PLEKHA7: variants seen among roughly 807,000 people sequenced by gnomAD.
The protein encoded by PLEKHA7 is pleckstrin homology domain-containing family A member 7.
PLEKHA7 carries 104 observed loss-of-function variants against 170.0 expected under a neutral mutation model. The ratio of observed to expected loss-of-function variants is 0.61; its 90% CI spans 0.52 to 0.72. The LOEUF is 0.72. Among genes scored for constraint, PLEKHA7 ranks in the 30% least tolerant of loss-of-function variants. PLEKHA7 has a pLI of 0.00. For synonymous variants in PLEKHA7, 648 were observed against 660.8 expected (o/e 0.98, Z 0.30); for missense variants, 1,615 against 1,671.7 (o/e 0.97, Z 0.59).
At chr11:16,884,203 C>A (rs1301607145) in intron 3 of PLEKHA7, among the ~76,000 whole-genome samples, 3 of 152,164 alleles carry the variant, frequency 2.0e-5, no homozygotes, top group African/African-American at 7.2e-5. Context: ...ATCCCATATG[C>A]CAACCTATCC....
intron 3 of PLEKHA7, among the ~76,000 whole-genome samples, chr11:16,993,119 A>G (rs748348444): frequency 1.3e-4 from 20 of 152,100 alleles, no homozygotes; most frequent in African/African-American, 4.6e-4. Flanking sequence ...CCACATTCCT[A>G]TCAGGCTCAG....
chr11:16,977,022 G>A (rs1478136501), intron 3 of PLEKHA7, among the ~76,000 whole-genome samples: 4 of 152,134 alleles, frequency 2.6e-5, no homozygotes, highest in Admixed American at 6.5e-5. Context: ...GTCAAGACCT[G>A]AGATCCCCCA....
At chr11:16,923,631 G>GGGAGGGAGCACAGCAGCCTGTCT in intron 3 of PLEKHA7, among the ~76,000 whole-genome samples, 1 of 152,168 alleles carries the variant, frequency 6.6e-6, no homozygotes, top group South Asian at 2.1e-4. Context: ...TGGGAGGAGG[G>GGGAGGGAGCACAGCAGCCTGTCT]GGAGGGAGCA....
intron 3 of PLEKHA7, among the ~76,000 whole-genome samples, chr11:16,933,073 T>C (rs948703017): frequency 2.1e-4 from 32 of 152,250 alleles, no homozygotes; most frequent in Admixed American, 3.3e-4. Context: ...GTATCTTCTA[T>C]GTAGAGGATG....
intron 3 of PLEKHA7, among the ~76,000 whole-genome samples, chr11:16,968,975 T>TA (rs1240852024): frequency 1.3e-5 from 2 of 152,166 alleles, no homozygotes; most frequent in Non-Finnish European, 2.9e-5. Context: ...AGGGCCTCAG[T>TA]AAAAAAGCAG....
At chr11:16,887,494 C>A (rs1437557304) in intron 3 of PLEKHA7, among the ~76,000 whole-genome samples, 1 of 152,136 alleles carries the variant, frequency 6.6e-6, no homozygotes, top group African/African-American at 2.4e-5. Flanking sequence ...AACCTCCCTG[C>A]CTGATTCTCC....
chr11:16,809,663 A>G (rs1385054092), intron 13 of PLEKHA7, among the ~76,000 whole-genome samples: 2 of 152,190 alleles, frequency 1.3e-5, no homozygotes, highest in African/African-American at 4.8e-5. Context: ...TAATCCAACC[A>G]TTCATCCCAC....
At chr11:17,012,775 A>T (rs2137153530) in intron 3 of PLEKHA7, among the ~76,000 whole-genome samples, 1 of 152,282 alleles carries the variant, frequency 6.6e-6, no homozygotes, top group Non-Finnish European at 1.5e-5. Context: ...AGGCCCACTG[A>T]CAGCAAGACT....
intron 15 of PLEKHA7, among the ~76,000 whole-genome samples, 187 bp downstream of exon 15, chr11:16,802,785 A>G (rs1026938539): frequency 6.6e-6 from 1 of 152,112 alleles, no homozygotes; most frequent in Non-Finnish European, 1.5e-5. Flanking sequence ...TGACCTCATG[A>G]TCCACCTGCC....
intron 3 of PLEKHA7, among the ~76,000 whole-genome samples, chr11:17,003,340 T>C (rs761093174): frequency 6.6e-6 from 1 of 152,186 alleles, no homozygotes; most frequent in Non-Finnish European, 1.5e-5. Context: ...AGTTGAGTTC[T>C]ACAGTTTGCA....
At chr11:16,814,715 C>T (rs1006473065) in intron 12 of PLEKHA7, among the ~76,000 whole-genome samples, 6 of 152,210 alleles carry the variant, frequency 3.9e-5, no homozygotes, top group African/African-American at 9.6e-5. Context: ...CCTACCTAAC[C>T]TCTTCCAGCT....
In PLEKHA7 at chr11:16,813,341, G is replaced by A. The variant is rs147115233; in HGVS notation, c.1954-175C>T. The stretch of plus-strand genomic sequence containing the variant: ...AAATGTCTCGGTGCAGCTGAGAGCC[G>A]TCTTTCAGCAGGGCGGATCTTGCAG... On this transcript the variant is annotated intron_variant, in intron 12 of 26. Transcript: ENST00000531066. The A allele has an allele frequency of 2.8e-3, 1,384 of 496,486 alleles. 4 individuals are homozygous for A. Among genetic ancestry groups the A allele is most frequent in the Admixed American group, 6.1e-3 (200 of 32,824 alleles). 30.8% of individuals were successfully genotyped at this position (496,486 alleles called of 1,614,324 possible).
chr11:16,862,205 C>T (rs1297439934), intron 4 of PLEKHA7, among the ~76,000 whole-genome samples: 1 of 152,168 alleles, frequency 6.6e-6, no homozygotes, highest in Non-Finnish European at 1.5e-5. Flanking sequence ...CCCCACTCTA[C>T]CCCAGGAGCT....
chr11:16,968,345 G>T (rs924370408), intron 3 of PLEKHA7, among the ~76,000 whole-genome samples: 1 of 152,152 alleles, frequency 6.6e-6, no homozygotes, highest in African/African-American at 2.4e-5. Flanking sequence ...GGGCCACATG[G>T]AAAAGGCTGC....
intron 3 of PLEKHA7, among the ~76,000 whole-genome samples, chr11:17,005,028 G>C (rs1227602523): frequency 6.6e-6 from 1 of 152,132 alleles, no homozygotes; most frequent in Non-Finnish European, 1.5e-5. Flanking sequence ...AACAAGAGCA[G>C]GTACCTCACT....
chr11:16,800,116 A>G (rs1328873991), intron 17 of PLEKHA7, among the ~76,000 whole-genome samples: 4 of 152,220 alleles, frequency 2.6e-5, no homozygotes, highest in African/African-American at 7.2e-5. Flanking sequence ...TGCCTCATAC[A>G]CAAGAAGCCT....
chr11:16,959,676 T>A (rs1861925415), intron 3 of PLEKHA7, among the ~76,000 whole-genome samples: 1 of 152,188 alleles, frequency 6.6e-6, no homozygotes, highest in African/African-American at 2.4e-5. Context: ...ACAGTGGTAT[T>A]GAAACCACCT....
chr11:16,846,336 A>G (rs1852410317), intron 8 of PLEKHA7, among the ~76,000 whole-genome samples: 1 of 151,594 alleles, frequency 6.6e-6, no homozygotes, highest in Non-Finnish European at 1.5e-5. Context: ...AGAAGAGAAG[A>G]GAAAAGAAAC....
In PLEKHA7 at chr11:16,938,497, C is replaced by CT. The variant is rs533152814; in HGVS notation, c.222-67316dup. Reference sequence around the variant, plus strand: ...TATTCTAAGATAGGTGCCCCCCTCACTTTTTTTTTCAATTTTTCTCTTTTA... The same window carrying CT: ...TATTCTAAGATAGGTGCCCCCCTCACTTTTTTTTTTCAATTTTTCTCTTTTA... On this transcript the variant is annotated intron_variant, in intron 3 of 26. Coordinates refer to ENST00000531066, the MANE Select transcript of PLEKHA7 (RefSeq NM_001329630.2). Among the ~76,000 whole-genome samples, 634 of 151,358 alleles carry CT rather than the reference C, an allele frequency of 4.2e-3. 7 individuals carry two copies. The highest frequency in any genetic ancestry group is 0.014 in the African/African-American group (588 of 41,214).
Sources: allele counts gnomAD v4.1 joint callset (sites outside exome capture counted in the v4.1 genomes callset), GRCh38; gene constraint gnomAD v4.1.1; transcripts MANE v1.5; gene names NCBI Gene and HGNC (gene_info 2026-07-23, HGNC 2026-07-21).